Variants in CDKN3 observed in about 807,000 individuals in gnomAD.
CDKN3 encodes cyclin dependent kinase inhibitor 3, also known as cyclin-dependent kinase inhibitor 3.
Under a neutral mutation model 36.1 loss-of-function variants are expected in CDKN3, and 19 were observed. That is an observed-to-expected ratio of 0.53 (90% CI 0.37 to 0.77). The LOEUF is 0.77. Among genes scored for constraint, CDKN3 ranks in the 30% least tolerant of loss-of-function variants. The probability of loss-of-function intolerance (pLI) is 0.00; values close to 1 mark genes in which losing one functional copy is unlikely to be tolerated. For synonymous variants in CDKN3, 71 were observed against 85.3 expected, an observed-to-expected ratio of 0.83 and a Z score of 0.92; for missense variants, 188 against 248.6, an observed-to-expected ratio of 0.76 and a Z score of 1.64.
Position 54,397,077 on chromosome 14 carries a change from G to T in CDKN3, c.9G>T (p.Pro3=). The T allele has an allele frequency of 1.3e-6, 2 of 1,501,606 alleles. No homozygotes were observed. Among genetic ancestry groups the T allele is most frequent in the South Asian group, 1.3e-5 (1 of 79,174 alleles). 93.0% of individuals were successfully genotyped at this position (1,501,606 alleles called of 1,614,324 possible). Residue 3 remains proline (P), a splice_region_variant and synonymous_variant, in exon 1 of 8, where the codon CCG becomes CCT. Transcript: ENST00000335183. MK[P]PSSIQTSEFD... ...ACGTGGGGCGGCCAGCGATGAAGCCGGTGAGTCGGACGTGCTGGGGTTTGG... is the reference window on the plus strand; with the variant it reads ...ACGTGGGGCGGCCAGCGATGAAGCCTGTGAGTCGGACGTGCTGGGGTTTGG...
chr14:54,415,971 G>T (rs1382768597), intron 6 of CDKN3, 41 bp downstream of exon 6: 1 of 1,381,696 alleles, frequency 7.2e-7, no homozygotes, highest in African/African-American at 1.4e-5. Context: ...CCGCCAAATA[G>T]ACAAACTTCT....
At chr14:54,407,003 G>C (rs1201985515) in intron 3 of CDKN3, among the ~76,000 whole-genome samples, 1 of 152,116 alleles carries the variant, frequency 6.6e-6, no homozygotes, top group Non-Finnish European at 1.5e-5. Context: ...CTTTGATGTT[G>C]GTGACTTTTG....
chr14:54,418,911 C>T (rs4251672), intron 7 of CDKN3, among the ~76,000 whole-genome samples: 2,742 of 152,248 alleles, frequency 0.018, 88 homozygotes, highest in African/African-American at 0.063. Context: ...TATATCCTAG[C>T]ACTTTGGGAG....
chr14:54,404,157 A>G (rs558469749), intron 3 of CDKN3, among the ~76,000 whole-genome samples: 86 of 152,272 alleles, frequency 5.6e-4, no homozygotes, highest in African/African-American at 2.0e-3. Context: ...CTGTGAATCC[A>G]TCTAGTCCTG....
chr14:54,399,277 C>T (rs2139964038), intron 1 of CDKN3, among the ~76,000 whole-genome samples: 1 of 152,228 alleles, frequency 6.6e-6, no homozygotes, highest in Admixed American at 6.5e-5. Flanking sequence ...TAAGCCACCG[C>T]ACCCTCCCTT....
chr14:54,418,228 T>C (rs1045051433), intron 7 of CDKN3: 1 of 702,244 alleles, frequency 1.4e-6, no homozygotes, highest in Non-Finnish European at 2.6e-6. Context: ...TACCTACTTC[T>C]CAGTTTTTGC....
intron 1 of CDKN3, among the ~76,000 whole-genome samples, chr14:54,397,537 C>A (rs1886345520): frequency 6.6e-6 from 1 of 152,274 alleles, no homozygotes; most frequent in Non-Finnish European, 1.5e-5. Flanking sequence ...GACACCACCG[C>A]TGTCACCATG....
intron 6 of CDKN3, among the ~76,000 whole-genome samples, chr14:54,416,329 A>T (rs1566710655): frequency 6.6e-6 from 1 of 152,192 alleles, no homozygotes; most frequent in South Asian, 2.1e-4. Flanking sequence ...AACAAAAAAG[A>T]GTTCGTGAAA....
chr14:54,418,485 A>T, intron 7 of CDKN3: 1 of 547,360 alleles, frequency 1.8e-6, no homozygotes, highest in Non-Finnish European at 3.2e-6. Context: ...CTAACACTTC[A>T]AAACACTGCA....
chr14:54,399,344 G>C (rs1387838944), intron 1 of CDKN3, among the ~76,000 whole-genome samples: 1 of 152,102 alleles, frequency 6.6e-6, no homozygotes, highest in Admixed American at 6.6e-5. Context: ...CGTTTCCTCT[G>C]TGAAGCCTTC....
At chr14:54,403,231 A>AG (rs1262579292) in intron 3 of CDKN3, among the ~76,000 whole-genome samples, 1 of 152,174 alleles carries the variant, frequency 6.6e-6, no homozygotes, top group Non-Finnish European at 1.5e-5. Context: ...TTCCTTGAGC[A>AG]GTGGTTTGTA....
At chr14:54,401,966 T>G (rs1444857639) in intron 3 of CDKN3, among the ~76,000 whole-genome samples, 1 of 152,030 alleles carries the variant, frequency 6.6e-6, no homozygotes, top group Non-Finnish European at 1.5e-5. Flanking sequence ...TCCCAGCACT[T>G]TGGGAGGCCG....
At position 54,402,309 on chromosome 14, in the gene CDKN3, CGTGT is replaced by C. The variant is rs35529322; in HGVS notation, c.148+753_148+756del. On this transcript the variant is annotated intron_variant, in intron 3 of 7. Transcript: ENST00000335183. ...AGTAGTATTCCATGGCATGTGTGTG[CGTGT>C]GTGTGTGTGTGTGTGTGTGTGTATG... Among the ~76,000 whole-genome samples the C allele has an allele frequency of 2.2e-3, 325 of 147,818 alleles. 1 individual carries two copies. Among genetic ancestry groups the C allele is most frequent in the Middle Eastern group, 7.0e-3 (2 of 284 alleles).
intron 3 of CDKN3, among the ~76,000 whole-genome samples, chr14:54,405,457 A>G (rs1398077064): frequency 6.6e-6 from 1 of 152,136 alleles, no homozygotes; most frequent in Non-Finnish European, 1.5e-5. Flanking sequence ...GTCTCCCACT[A>G]TTATTGTGTG....
chr14:54,405,508 A>G (rs947950981), intron 3 of CDKN3, among the ~76,000 whole-genome samples: 1 of 152,210 alleles, frequency 6.6e-6, no homozygotes, highest in African/African-American at 2.4e-5. Context: ...AACTTGCTTT[A>G]TGAACCTGGG....
chr14:54,407,194 G>A (rs959769409), intron 3 of CDKN3, among the ~76,000 whole-genome samples: 2 of 152,332 alleles, frequency 1.3e-5, no homozygotes, highest in Non-Finnish European at 2.9e-5. Context: ...AGCAAAGATT[G>A]CTGCCTGCTC....
At chr14:54,407,478 G>A (rs943443277) in intron 3 of CDKN3, among the ~76,000 whole-genome samples, 11 of 152,322 alleles carry the variant, frequency 7.2e-5, no homozygotes, top group Middle Eastern at 6.8e-3. Flanking sequence ...CTCTCCTAGG[G>A]AGAAGGGAGT....
At chr14:54,412,800 T>G (rs989798751) in intron 5 of CDKN3, 24 of 477,464 alleles carry the variant, frequency 5.0e-5, no homozygotes, top group Non-Finnish European at 9.3e-5. Flanking sequence ...ATAATGTATA[T>G]TTCATATTCT....
chr14:54,412,928 T>G (rs370121702), intron 5 of CDKN3: 2 of 503,668 alleles, frequency 4.0e-6, no homozygotes, highest in East Asian at 5.6e-5. Flanking sequence ...TTATATCAAA[T>G]AGCCATGGGG....
Sources: allele counts gnomAD v4.1 joint callset (sites outside exome capture counted in the v4.1 genomes callset), GRCh38; gene constraint gnomAD v4.1.1; transcripts MANE v1.5; gene names NCBI Gene and HGNC (gene_info 2026-07-23, HGNC 2026-07-21).